PIK3C2B: variants seen among roughly 807,000 people sequenced by gnomAD.
The protein encoded by PIK3C2B is phosphatidylinositol 4-phosphate 3-kinase C2 domain-containing subunit beta.
In PIK3C2B, 83 loss-of-function variants were observed where a neutral mutation model predicts 184.3. The ratio of observed to expected loss-of-function variants is 0.45; its 90% CI spans 0.38 to 0.54. The LOEUF (loss-of-function observed/expected upper bound fraction) is 0.54, where lower values mean the gene tolerates loss of function less well. Ranked by LOEUF, PIK3C2B falls within the 20% of genes least tolerant of loss-of-function variation. The pLI, the probability that PIK3C2B is intolerant of heterozygous loss-of-function variation, is 0.00. For synonymous variants in PIK3C2B, 779 were observed against 837.6 expected (o/e 0.93, Z 1.21); for missense variants, 1,736 against 2,113.5 (o/e 0.82, Z 3.50).
rs371953370 is a variant in PIK3C2B at position 204,469,065 on chromosome 1, C to T, written c.738G>A (p.Ala246=). 8.1e-6 allele frequency: 13 copies of T among 1,614,188 alleles called. No individual in the cohort carries two copies. Among genetic ancestry groups the T allele is most frequent in the Middle Eastern group, 1.6e-4 (1 of 6,062 alleles). Residue 246 remains alanine (A), a synonymous_variant, in exon 2 of 33, where the codon GCG becomes GCA. Transcript: ENST00000684373. ...TRLNLKSTYD[A]EMLRDATRGW... ...CCCTGGTGGCATCCCGCAACATCTC[C>T]GCATCATAGGTCGATTTCAAGTTGA...
At position 204,433,278 on chromosome 1, in the gene PIK3C2B, G is replaced by T; in HGVS notation, c.3953+38C>A. ...AATCCGGCAGGCTGGGAATTACTCA[G>T]GGTGGGCAGTGCTGATTCGCTCAGG... On this transcript the variant is annotated intron_variant, in intron 26 of 32. Coordinates refer to ENST00000684373, the MANE Select transcript of PIK3C2B (RefSeq NM_001377334.1). The surrounding 1 kb of genome is among the most constrained non-coding windows in gnomAD (Gnocchi z 5.0). 9.2e-7 allele frequency: 1 copy of T among 1,092,530 alleles called. No individual in the cohort carries two copies. The highest frequency in any genetic ancestry group is 1.4e-6 in the Non-Finnish European group (1 of 709,522). The allele number at this position is 1,092,530 out of a possible 1,614,324, so 67.7% of individuals were successfully genotyped here. A position where few individuals can be genotyped will look rare whatever the true frequency, so the allele number is the denominator to read the frequency against.
intron 7 of PIK3C2B, 66 bp from the exon 8 acceptor site, chr1:204,460,007 C>G (rs17847744): frequency 0.011 from 14,406 of 1,261,918 alleles, 417 homozygotes; most frequent in Admixed American, 0.075. Flanking sequence ...CTGGGAAACC[C>G]ATTTTCTCCC....
Position 204,433,854 on chromosome 1 carries a change from C to A in PIK3C2B, c.3782G>T (p.Cys1261Phe). 1 of 1,614,108 alleles carries A rather than the reference C, an allele frequency of 6.2e-7. No homozygotes were observed. Among genetic ancestry groups the A allele is most frequent in the Non-Finnish European group, 8.5e-7 (1 of 1,180,002 alleles). The change falls in exon 25 of 33, where the codon TGC (cysteine) becomes TTC (phenylalanine). Residue 1261 changes from cysteine to phenylalanine, a missense_variant. Physicochemically the swap from Cys to Phe is radical, Grantham distance 205 (BLOSUM62 -2). This residue lies in a region of PIK3C2B where 119 missense variants were observed against 179.3 expected (regional missense o/e 0.66). Coordinates refer to ENST00000684373, the MANE Select transcript of PIK3C2B (RefSeq NM_001377334.1). This position sits in a 1 kb window ranked among gnomAD's most constrained non-coding sequence, Gnocchi z 5.0. ...SSRFHDFVDL[C>F]CQAYNLIRKH... ...GCGAATGAGGTTGTAGGCTTGGCAG[C>A]AAAGGTCAACAAAATCATGGAAGCG...
intron 12 of PIK3C2B, among the ~76,000 whole-genome samples, chr1:204,453,627 T>C (rs974506408): frequency 2.0e-5 from 3 of 152,002 alleles, no homozygotes; most frequent in Non-Finnish European, 4.4e-5. Context: ...CCCTTCTCTA[T>C]ATATAAAGGG....
intron 2 of PIK3C2B, among the ~76,000 whole-genome samples, chr1:204,466,570 C>T (rs572750676): frequency 6.6e-6 from 1 of 152,170 alleles, no homozygotes; most frequent in East Asian, 1.9e-4. Context: ...GCCTGTGTCC[C>T]AGTCAAAACA....
chr1:204,474,949 T>C (rs1302730216), intron 1 of PIK3C2B, among the ~76,000 whole-genome samples: 1 of 151,330 alleles, frequency 6.6e-6, no homozygotes, highest in Admixed American at 6.6e-5. Context: ...CACCCCTCTC[T>C]CTAATTGCCA....
At chr1:204,445,736 C>A (rs2103484914) in intron 16 of PIK3C2B, among the ~76,000 whole-genome samples, 1 of 152,100 alleles carries the variant, frequency 6.6e-6, no homozygotes, top group Admixed American at 6.5e-5. Context: ...CATGGGTATT[C>A]ACTGTACAAT....
At chr1:204,460,928 T>TAATC (rs1439995064) in intron 5 of PIK3C2B, among the ~76,000 whole-genome samples, 2 of 152,148 alleles carry the variant, frequency 1.3e-5, no homozygotes, top group Admixed American at 1.3e-4. Flanking sequence ...ACCCGTGTGG[T>TAATC]AATCACTGGT....
At chr1:204,488,507 A>C (rs1305424651) in intron 1 of PIK3C2B, among the ~76,000 whole-genome samples, 2 of 152,222 alleles carry the variant, frequency 1.3e-5, no homozygotes, top group East Asian at 3.8e-4. Flanking sequence ...CTATGAGTGA[A>C]CTAAGTTTTC....
At position 204,469,864 on chromosome 1, in the gene PIK3C2B, G is replaced by A. The variant is rs766317700; in HGVS notation, c.-62C>T. 7.8e-6 allele frequency: 9 copies of A among 1,156,448 alleles called. No individual in the cohort carries two copies. The highest frequency in any genetic ancestry group is 1.2e-5 in the Non-Finnish European group (9 of 775,752). The allele number at this position is 1,156,448 out of a possible 1,614,324, so 71.6% of individuals were successfully genotyped here. On this transcript the variant is annotated 5_prime_UTR_variant, in exon 2 of 33. Coordinates refer to ENST00000684373, the MANE Select transcript of PIK3C2B (RefSeq NM_001377334.1). ...TTCCTGCCAACGTCAGTTCTGGAGG[G>A]TTGTGACATGGTGTCTGGGCGCCTG...
intron 23 of PIK3C2B, among the ~76,000 whole-genome samples, chr1:204,438,050 A>G (rs1675448634): frequency 6.6e-6 from 1 of 152,252 alleles, no homozygotes; most frequent in Admixed American, 6.5e-5. Flanking sequence ...ACTGAAAGCC[A>G]TTTAAGATCA....
chr1:204,471,002 C>A (rs111822543), intron 1 of PIK3C2B, among the ~76,000 whole-genome samples: 1 of 152,102 alleles, frequency 6.6e-6, no homozygotes, highest in South Asian at 2.1e-4. Flanking sequence ...TGGATTACAA[C>A]GGGACACAAG....
chr1:204,465,283 C>G lies in PIK3C2B; in HGVS notation c.970G>C (p.Glu324Gln). The change falls in exon 3 of 33, where the codon GAG (glutamate) becomes CAG (glutamine). Residue 324 changes from glutamate (E) to glutamine (Q), a missense_variant. By Grantham distance (29) the Glu-to-Gln change is conservative. Around this residue, in one of 8 missense-constraint regions of PIK3C2B, gnomAD observed 404 missense variants for 418.0 expected, o/e 0.97. Transcript: ENST00000684373. ...SRPHTVANGH[E>Q]LFEVSEERDE... Reference sequence around the variant, plus strand: ...CTCTCTTCTGAGACCTCAAACAACTCATGGCCATTGGCAACAGTGTGGGGC... The same window carrying G: ...CTCTCTTCTGAGACCTCAAACAACTGATGGCCATTGGCAACAGTGTGGGGC... 1.9e-6 allele frequency: 3 copies of G among 1,613,336 alleles called. No individual in the cohort carries two copies. Among genetic ancestry groups the G allele is most frequent in the Non-Finnish European group, 2.5e-6 (3 of 1,179,550 alleles).
chr1:204,424,376 T>A lies in PIK3C2B; in HGVS notation c.*476A>T. 4.4e-6 allele frequency: 1 copy of A among 228,260 alleles called. No individual in the cohort carries two copies. Among genetic ancestry groups the A allele is most frequent in the Non-Finnish European group, 9.0e-6 (1 of 110,734 alleles). The allele number at this position is 228,260 out of a possible 1,614,324, so 14.1% of individuals were successfully genotyped here. A position where few individuals can be genotyped will look rare whatever the true frequency, so the allele number is the denominator to read the frequency against. On this transcript the variant is annotated 3_prime_UTR_variant, in exon 33 of 33. Coordinates refer to ENST00000684373, the MANE Select transcript of PIK3C2B (RefSeq NM_001377334.1). ...CTAGGGAAAAGTCCAATAAGAACCT[T>A]AATCATACAAAAAGTCCAAATAGTC...
intron 23 of PIK3C2B, 141 bp downstream of exon 23, chr1:204,438,794 G>T: frequency 1.2e-6 from 1 of 840,340 alleles, no homozygotes; most frequent in Non-Finnish European, 1.8e-6. Flanking sequence ...GGAGGCACCA[G>T]TCAACCAAGA....
intron 16 of PIK3C2B, among the ~76,000 whole-genome samples, chr1:204,445,442 A>T (rs1344376646): frequency 2.6e-5 from 4 of 152,116 alleles, no homozygotes; most frequent in Non-Finnish European, 4.4e-5. Flanking sequence ...AAAAAATTTT[A>T]AAAATTAGTC....
chr1:204,422,746 T>C lies in PIK3C2B; in HGVS notation c.*2106A>G, dbSNP rs1674559585. On this transcript the variant is annotated 3_prime_UTR_variant, in exon 33 of 33. Transcript: ENST00000684373. ...CAGATCTCTTTAAATCAGGAGCATA[T>C]AGGTCATAATAAAATGAGCTACAGG... The C allele has an allele frequency of 6.6e-6, 1 of 152,508 alleles. No homozygotes were observed. Among genetic ancestry groups the C allele is most frequent in the Admixed American group, 6.6e-5 (1 of 15,266 alleles). The allele number at this position is 152,508 out of a possible 1,614,324, so 9.4% of individuals were successfully genotyped here.
chr1:204,482,849 G>A (rs1009486973), intron 1 of PIK3C2B, among the ~76,000 whole-genome samples: 12 of 152,078 alleles, frequency 7.9e-5, no homozygotes, highest in African/African-American at 2.7e-4. Flanking sequence ...AGAATATCTC[G>A]ATGGGGGGAA....
intron 5 of PIK3C2B, among the ~76,000 whole-genome samples, 153 bp from the exon 6 acceptor site, chr1:204,460,814 C>T (rs1655273936): frequency 6.6e-6 from 1 of 152,140 alleles, no homozygotes; most frequent in Non-Finnish European, 1.5e-5. Context: ...TAGAAAATGA[C>T]ACGGTAGAGC....
Sources: allele counts gnomAD v4.1 joint callset (sites outside exome capture counted in the v4.1 genomes callset), GRCh38; gene constraint gnomAD v4.1.1; regional missense constraint gnomAD v4.1.1; non-coding constraint Gnocchi (gnomAD v3.1); transcripts MANE v1.5; gene names NCBI Gene and HGNC (gene_info 2026-07-23, HGNC 2026-07-21).